The following TTC3 variants were observed in gnomAD, a reference collection of about 807,000 sequenced individuals.
TTC3 encodes E3 ubiquitin-protein ligase TTC3.
A neutral mutation model predicts 249.6 loss-of-function variants in TTC3; 180 were observed. The observed-to-expected ratio is 0.72, with a 90% confidence interval of 0.64 to 0.82. The LOEUF (loss-of-function observed/expected upper bound fraction) is 0.82, where lower values mean the gene tolerates loss of function less well. TTC3 is among the 40% of genes least tolerant of loss of function. The probability of loss-of-function intolerance (pLI) is 0.00; values close to 1 mark genes in which losing one functional copy is unlikely to be tolerated. For synonymous variants in TTC3, 717 were observed against 805.0 expected, an observed-to-expected ratio of 0.89 and a Z score of 1.85; for missense variants, 2,061 against 2,398.4, an observed-to-expected ratio of 0.86 and a Z score of 2.94.
chr21:37,122,000 T>C (rs1189968106), intron 12 of TTC3, 21 bp downstream of exon 12: 1 of 1,591,740 alleles, frequency 6.3e-7, no homozygotes, highest in East Asian at 2.3e-5. Flanking sequence ...TAAGATTCTT[T>C]TGGTTACAGT....
At chr21:37,147,333 A>T in intron 21 of TTC3, 148 bp from the exon 22 acceptor site, 1 of 663,454 alleles carries the variant, frequency 1.5e-6, no homozygotes, top group Non-Finnish European at 2.3e-6. Context: ...GAAAAACTTT[A>T]AAAGTTGTAT....
chr21:37,083,549 A>G (rs780987023), intron 1 of TTC3: 4 of 347,432 alleles, frequency 1.2e-5, no homozygotes, highest in South Asian at 2.3e-4. Flanking sequence ...AGAAATGACA[A>G]GAGTTAGTGG....
chr21:37,086,710 A>G (rs2072530743), intron 1 of TTC3: 1 of 156,826 alleles, frequency 6.4e-6, no homozygotes. Flanking sequence ...CCCAAGACAG[A>G]AACACACTGA....
At chr21:37,199,384 G>T (rs2085268539) in intron 44 of TTC3, among the ~76,000 whole-genome samples, 1 of 152,244 alleles carries the variant, frequency 6.6e-6, no homozygotes, top group African/African-American at 2.4e-5. Context: ...AGTTAATGGT[G>T]CAGTAAGGGT....
chr21:37,149,893 GTA>G (rs2079297632), intron 23 of TTC3, among the ~76,000 whole-genome samples, 183 bp from the exon 24 acceptor site: 1 of 152,212 alleles, frequency 6.6e-6, no homozygotes, highest in African/African-American at 2.4e-5. Context: ...ACACCTGAAA[GTA>G]TATTTTTCCT....
At chr21:37,157,777 C>T (rs766093872) in intron 28 of TTC3, among the ~76,000 whole-genome samples, 2 of 152,174 alleles carry the variant, frequency 1.3e-5, no homozygotes, top group Non-Finnish European at 2.9e-5. Flanking sequence ...ATCTTAATTT[C>T]CTCACATTAA....
At chr21:37,144,236 G>T (rs980679719) in intron 20 of TTC3, among the ~76,000 whole-genome samples, 2 of 150,810 alleles carry the variant, frequency 1.3e-5, no homozygotes, top group African/African-American at 4.9e-5. Flanking sequence ...AGAACTTAAA[G>T]TATAATAAAA....
At chr21:37,151,863 G>T in intron 25 of TTC3, 30 bp from the exon 26 acceptor site, 1 of 1,544,576 alleles carries the variant, frequency 6.5e-7, no homozygotes, top group South Asian at 1.3e-5. Context: ...ACAGTTCATT[G>T]AGTTGTCACT....
At chr21:37,134,126 AGCGTTCT>A (rs2077710527) in intron 17 of TTC3, among the ~76,000 whole-genome samples, 1 of 152,070 alleles carries the variant, frequency 6.6e-6, no homozygotes. Flanking sequence ...TATTCTGGGG[AGCGTTCT>A]GCCAAACTTT....
At chr21:37,110,422 A>G (rs1288246313) in intron 11 of TTC3, among the ~76,000 whole-genome samples, 1 of 151,746 alleles carries the variant, frequency 6.6e-6, no homozygotes, top group Non-Finnish European at 1.5e-5. Context: ...CACAAACCTC[A>G]GTAACCGATG....
At chr21:37,091,348 C>A (rs769180979) in exon 7 of TTC3, 1 of 1,611,174 alleles carries the variant, frequency 6.2e-7, no homozygotes, top group African/African-American at 1.3e-5. Flanking sequence ...GGCGATGTAA[C>A]AATTCTAACT....
Position 37,093,991 on chromosome 21 carries a change from A to G in TTC3, c.602-14A>G, listed in dbSNP as rs769132413. 5.2e-6 allele frequency: 8 copies of G among 1,551,224 alleles called. No homozygotes were observed. In the Admixed American group the frequency reaches 1.2e-4, roughly 24 times the overall value. Reference sequence around the variant, plus strand: ...AAATGTTCTCTCTTGCTCTCTCCTAAAAATAAAATTTAGACAAGTACCACA... The same window carrying G: ...AAATGTTCTCTCTTGCTCTCTCCTAGAAATAAAATTTAGACAAGTACCACA... On this transcript the variant is annotated splice_polypyrimidine_tract_variant and intron_variant, in intron 7 of 45. Coordinates refer to ENST00000355666, the Ensembl canonical transcript of TTC3.
intron 23 of TTC3, among the ~76,000 whole-genome samples, chr21:37,149,405 A>T (rs1219158086): frequency 6.6e-6 from 1 of 152,244 alleles, no homozygotes; most frequent in Non-Finnish European, 1.5e-5. Flanking sequence ...CACATAATTA[A>T]TTAACAATAT....
chr21:37,188,337 A>G lies in TTC3; in HGVS notation c.4924-158A>G, dbSNP rs781562017. The G allele has an allele frequency of 1.0e-4, 55 of 551,122 alleles. 1 individual carries two copies. The highest frequency in any genetic ancestry group is 1.6e-4 in the Non-Finnish European group (50 of 310,398). The allele number at this position is 551,122 out of a possible 1,614,324, so 34.1% of individuals were successfully genotyped here. On this transcript the variant is annotated intron_variant, in intron 38 of 45. Coordinates refer to ENST00000355666, the Ensembl canonical transcript of TTC3. ...TTCTGTTTTCAAATCTCAAAGTCTA[A>G]TTCATGTTCACCTATGATACAATCA... is the stretch of plus-strand genomic sequence containing the variant.
At chr21:37,199,324 T>C (rs2085261235) in intron 44 of TTC3, among the ~76,000 whole-genome samples, 1 of 152,240 alleles carries the variant, frequency 6.6e-6, no homozygotes, top group South Asian at 2.1e-4. Flanking sequence ...ATGGGACTCA[T>C]TTTGTGCCTT....
intron 14 of TTC3, among the ~76,000 whole-genome samples, chr21:37,125,699 TCACATAC>T (rs1418972654): frequency 7.0e-6 from 1 of 142,818 alleles, no homozygotes; most frequent in Non-Finnish European, 1.5e-5. Flanking sequence ...GTAGTTACAC[TCACATAC>T]CACATTGCTG....
chr21:37,077,159 T>C (rs2071007969), intron 1 of TTC3, among the ~76,000 whole-genome samples: 1 of 152,150 alleles, frequency 6.6e-6, no homozygotes, highest in Non-Finnish European at 1.5e-5. Context: ...GTAATAATTA[T>C]ACATTTAAAA....
intron 12 of TTC3, among the ~76,000 whole-genome samples, chr21:37,122,669 CCAT>C (rs2076719362): frequency 6.6e-6 from 1 of 151,850 alleles, no homozygotes; most frequent in African/African-American, 2.4e-5. Context: ...ATGTTGTTAT[CCAT>C]CATAACATGA....
At chr21:37,181,009 T>TTATA (rs1169391757) in intron 35 of TTC3, among the ~76,000 whole-genome samples, 1 of 152,186 alleles carries the variant, frequency 6.6e-6, no homozygotes, top group Non-Finnish European at 1.5e-5. Flanking sequence ...GATACAGTTG[T>TTATA]GTATAGCCTA....
Sources: allele counts gnomAD v4.1 joint callset (sites outside exome capture counted in the v4.1 genomes callset), GRCh38; gene constraint gnomAD v4.1.1; transcripts MANE v1.5; gene names NCBI Gene and HGNC (gene_info 2026-07-23, HGNC 2026-07-21).